DOCK1: variants seen among roughly 807,000 people sequenced by gnomAD.
DOCK1 encodes the protein dedicator of cytokinesis 1.
In DOCK1, 138 loss-of-function variants were observed where a neutral mutation model predicts 262.7. The observed-to-expected ratio is 0.53, with a 90% CI of 0.46 to 0.61. DOCK1 has a LOEUF of 0.61. Among genes scored for constraint, DOCK1 ranks in the 20% least tolerant of loss-of-function variants. The probability of loss-of-function intolerance (pLI) is 0.00; values close to 1 mark genes in which losing one functional copy is unlikely to be tolerated. For synonymous variants in DOCK1, 866 were observed against 867.4 expected, an observed-to-expected ratio of 1.00 and a Z score of 0.03; for missense variants, 1,908 against 2,370.7, an observed-to-expected ratio of 0.80 and a Z score of 4.05.
At position 126,911,596 on chromosome 10, in the gene DOCK1, G is replaced by C. The variant is rs552512513; in HGVS notation, c.46+6033G>C. ...TCAGGGAGGAAATGAGGAGGCGCCC[G>C]AGGAGGGGTCAGAGTTTGAGTTTTA... On this transcript the variant is annotated intron_variant, in intron 1 of 51. Transcript: ENST00000623213. 2.0e-5 allele frequency among the ~76,000 whole-genome samples: 3 copies of C among 152,266 alleles called. No individual in the cohort carries two copies. The South Asian group carries it at 6.2e-4, about 32-fold the overall frequency.
At chr10:127,192,783 A>C (rs1045912118) in intron 27 of DOCK1, 1 of 152,234 alleles carries the variant, frequency 6.6e-6, no homozygotes, top group Non-Finnish European at 1.5e-5. Flanking sequence ...CTATCCTTTC[A>C]TGGCTTAGTG....
intron 31 of DOCK1, among the ~76,000 whole-genome samples, chr10:127,347,585 G>T (rs2063691861): frequency 6.6e-6 from 1 of 152,030 alleles, no homozygotes; most frequent in Admixed American, 6.6e-5. Context: ...CTTGGGGCGG[G>T]GTGTGGGGGC....
chr10:127,326,546 A>G (rs1454041687), intron 29 of DOCK1, among the ~76,000 whole-genome samples: 1 of 152,196 alleles, frequency 6.6e-6, no homozygotes, highest in Non-Finnish European at 1.5e-5. Context: ...GTTCTCTGCT[A>G]TTTCCACTAC....
chr10:127,075,723 T>C (rs930348329), intron 23 of DOCK1, among the ~76,000 whole-genome samples: 1 of 152,094 alleles, frequency 6.6e-6, no homozygotes, highest in Non-Finnish European at 1.5e-5. Flanking sequence ...CTCACTGTCA[T>C]GAGAACGGCA....
intron 23 of DOCK1, among the ~76,000 whole-genome samples, chr10:127,073,232 A>G (rs2046334289): frequency 6.6e-6 from 1 of 152,226 alleles, no homozygotes; most frequent in African/African-American, 2.4e-5. Flanking sequence ...GTTCTTCCCA[A>G]CTTGATCTAC....
intron 27 of DOCK1, among the ~76,000 whole-genome samples, chr10:127,207,301 C>T (rs1005880503): frequency 3.9e-5 from 6 of 152,208 alleles, no homozygotes; most frequent in Admixed American, 6.5e-5. Flanking sequence ...GCAGCAAGTA[C>T]AGGGCGGTCC....
chr10:126,971,321 G>T (rs538778860), intron 2 of DOCK1, among the ~76,000 whole-genome samples: 1 of 152,226 alleles, frequency 6.6e-6, no homozygotes, highest in Admixed American at 6.5e-5. Context: ...CCAAAGTACT[G>T]GGATTACAGG....
chr10:126,964,387 G>A (rs1169515498), intron 1 of DOCK1, among the ~76,000 whole-genome samples: 2 of 152,204 alleles, frequency 1.3e-5, no homozygotes, highest in Non-Finnish European at 1.5e-5. Context: ...CATGGACCAG[G>A]CAAACGTGTA....
At chr10:127,275,078 G>T (rs938333932) in intron 29 of DOCK1, among the ~76,000 whole-genome samples, 1 of 152,068 alleles carries the variant, frequency 6.6e-6, no homozygotes, top group Non-Finnish European at 1.5e-5. Context: ...GAAAGGTAAG[G>T]CTAGAAGGTA....
intron 33 of DOCK1, among the ~76,000 whole-genome samples, chr10:127,371,555 ATGCCTGTATGTT>A (rs1309750519): frequency 6.6e-6 from 1 of 152,188 alleles, no homozygotes; most frequent in African/African-American, 2.4e-5. Flanking sequence ...GGCATTTTAA[ATGCCTGTATGTT>A]TGCCCATGTC....
chr10:127,436,103 G>T (rs1270166581), intron 48 of DOCK1, among the ~76,000 whole-genome samples: 1 of 152,150 alleles, frequency 6.6e-6, no homozygotes. Flanking sequence ...TCACCTAATG[G>T]ATATGGATGT....
intron 1 of DOCK1, among the ~76,000 whole-genome samples, chr10:126,914,738 G>A (rs2134042870): frequency 6.6e-6 from 1 of 152,292 alleles, no homozygotes; most frequent in African/African-American, 2.4e-5. Context: ...TTTCCTTTCT[G>A]ACTGTTAGCT....
intron 27 of DOCK1, among the ~76,000 whole-genome samples, chr10:127,194,900 A>T (rs1256617328): frequency 2.0e-5 from 1 of 50,512 alleles, no homozygotes; most frequent in East Asian, 7.2e-4. Context: ...GGTCAAAGTA[A>T]ACCGCTTCAC....
chr10:127,279,396 C>G (rs7908919), intron 29 of DOCK1, among the ~76,000 whole-genome samples: 22,896 of 152,106 alleles, frequency 0.15, 1,968 homozygotes, highest in East Asian at 0.25. Flanking sequence ...GTATCTCACA[C>G]AAGGTCACAT....
At chr10:127,038,951 C>T (rs764149325) in intron 19 of DOCK1, among the ~76,000 whole-genome samples, 5 of 152,140 alleles carry the variant, frequency 3.3e-5, no homozygotes, top group Non-Finnish European at 7.3e-5. Context: ...TGGCATGTGG[C>T]GTTCTATAAG....
chr10:126,964,337 C>G (rs1591468035), intron 1 of DOCK1, among the ~76,000 whole-genome samples: 1 of 152,146 alleles, frequency 6.6e-6, no homozygotes, highest in East Asian at 1.9e-4. Context: ...TGTGGACCAG[C>G]GCAGGGGCCT....
intron 27 of DOCK1, among the ~76,000 whole-genome samples, chr10:127,241,076 T>C (rs962690581): frequency 6.6e-6 from 1 of 152,152 alleles, no homozygotes; most frequent in Non-Finnish European, 1.5e-5. Context: ...GTAATCCCAA[T>C]GCTCTGGAGG....
chr10:127,307,309 T>TG (rs1228549606), intron 29 of DOCK1, among the ~76,000 whole-genome samples: 1 of 152,196 alleles, frequency 6.6e-6, no homozygotes, highest in Non-Finnish European at 1.5e-5. Flanking sequence ...CATGCTGCCA[T>TG]GTTTCGACAT....
At position 126,995,199 on chromosome 10, in the gene DOCK1, G is replaced by A. The variant is rs1387146048; in HGVS notation, c.474-1549G>A. On this transcript the variant is annotated intron_variant, in intron 6 of 51. Transcript: ENST00000623213. The surrounding 1 kb of genome is among the most constrained non-coding windows in gnomAD (Gnocchi z 5.8). ...GAGGCGCTCCTCACTTCCCAGACTG[G>A]GTGGCCGGGCAGACACGCTCCTCAC... 6.6e-6 allele frequency among the ~76,000 whole-genome samples: 1 copy of A among 152,050 alleles called. No individual in the cohort carries two copies. The highest frequency in any genetic ancestry group is 1.5e-5 in the Non-Finnish European group (1 of 67,994).
Sources: gnomAD v4.1 joint callset for allele counts (sites outside exome capture counted in the v4.1 genomes callset) on GRCh38, gnomAD v4.1.1 for gene constraint, Gnocchi (gnomAD v3.1) non-coding constraint, MANE v1.5 for transcripts, NCBI Gene and HGNC (gene_info 2026-07-23, HGNC 2026-07-21) for gene names.